The following ARHGEF6 variants were observed in gnomAD, a reference collection of about 807,000 sequenced individuals.
The protein encoded by ARHGEF6 is Rac/Cdc42 guanine nucleotide exchange factor 6.
Under a neutral mutation model 70.3 loss-of-function variants are expected in ARHGEF6, and 9 were observed. The ratio of observed to expected loss-of-function variants is 0.13; its 90% confidence interval spans 0.08 to 0.22. ARHGEF6 has a LOEUF of 0.22. ARHGEF6 is among the 10% of genes least tolerant of loss of function. The pLI is 1.00. For synonymous variants in ARHGEF6, 201 were observed against 207.8 expected (o/e 0.97, Z 0.28); for missense variants, 470 against 563.0 (o/e 0.83, Z 1.67).
At chrX:136,737,502 T>C in intron 5 of ARHGEF6, 1 of 741,523 alleles carries the variant, frequency 1.3e-6, no homozygotes, top group Non-Finnish European at 1.6e-6. Flanking sequence ...TACATCACTT[T>C]TTTCAAACTC....
chrX:136,777,060 A>G (rs1367841293), intron 2 of ARHGEF6, among the ~76,000 whole-genome samples: 1 of 111,087 alleles, frequency 9.0e-6, no homozygotes, highest in African/African-American at 3.3e-5. Flanking sequence ...CCCTGTCTCT[A>G]CTAACAACAC....
intron 5 of ARHGEF6, among the ~76,000 whole-genome samples, chrX:136,737,226 T>C (rs1223035202): frequency 1.8e-5 from 2 of 112,015 alleles, no homozygotes; most frequent in African/African-American, 3.2e-5. Context: ...ACGCCTGTAA[T>C]CCCAGCACTT....
intron 7 of ARHGEF6, among the ~76,000 whole-genome samples, 166 bp from the exon 8 acceptor site, chrX:136,708,936 A>G (rs1347173854): frequency 1.8e-5 from 2 of 112,193 alleles, no homozygotes; most frequent in African/African-American, 6.5e-5. Context: ...TCTCCCCTTG[A>G]TTTTCTTTTA....
chrX:136,682,967 T>C lies in ARHGEF6; in HGVS notation c.1393-123A>G, dbSNP rs758354372. The C allele has an allele frequency of 8.7e-6, 5 of 573,028 alleles. No individual in the cohort carries two copies. The African/African-American group carries it at 9.3e-5, about 11-fold the overall frequency. 47.2% of individuals were successfully genotyped at this position (573,028 alleles called of 1,213,427 possible). The stretch of plus-strand genomic sequence containing the variant: ...AACAACTGAAACATTAACGGTAATT[T>C]TTTTTTTAAAAAAGATACCCAACTT... On this transcript the variant is annotated intron_variant, in intron 12 of 21. Coordinates refer to ENST00000250617, the MANE Select transcript of ARHGEF6 (RefSeq NM_004840.3).
chrX:136,727,690 T>C (rs904817976), intron 6 of ARHGEF6, among the ~76,000 whole-genome samples: 2 of 110,131 alleles, frequency 1.8e-5, no homozygotes, highest in African/African-American at 6.6e-5. Context: ...TAGGCCACCA[T>C]GCCCAGCTAA....
intron 6 of ARHGEF6, among the ~76,000 whole-genome samples, chrX:136,731,678 C>T (rs1704237549): frequency 8.9e-6 from 1 of 112,098 alleles, no homozygotes; most frequent in Non-Finnish European, 1.9e-5. Context: ...TGATAATATT[C>T]CAGACGATAT....
At chrX:136,682,241 A>T (rs958493385) in intron 13 of ARHGEF6, among the ~76,000 whole-genome samples, 4 of 112,117 alleles carry the variant, frequency 3.6e-5, no homozygotes, top group African/African-American at 9.7e-5. Context: ...AAGAATCAGT[A>T]AAAAAAAGTG....
chrX:136,732,623 T>C lies in ARHGEF6; in HGVS notation c.662-451A>G, dbSNP rs2076947212. ...GAAATCATACTTTATTTTGATATTT[T>C]CCTGCCTTGGCAAACTACTGTGTAC... On this transcript the variant is annotated intron_variant, in intron 5 of 21. Coordinates refer to ENST00000250617, the MANE Select transcript of ARHGEF6 (RefSeq NM_004840.3). 2.7e-5 allele frequency among the ~76,000 whole-genome samples: 3 copies of C among 112,679 alleles called. No homozygotes were observed. In the South Asian group the frequency reaches 1.1e-3, roughly 41 times the overall value.
At chrX:136,678,197 A>G (rs1017198134) in intron 16 of ARHGEF6, among the ~76,000 whole-genome samples, 1 of 111,705 alleles carries the variant, frequency 9.0e-6, no homozygotes, top group African/African-American at 3.2e-5. Context: ...AATACATACT[A>G]TCTAGTAGGA....
At chrX:136,745,513 G>T (rs775737553) in intron 3 of ARHGEF6, among the ~76,000 whole-genome samples, 166 bp from the exon 4 acceptor site, 8 of 111,066 alleles carry the variant, frequency 7.2e-5, no homozygotes, top group African/African-American at 2.6e-4. Context: ...TCCCTTTTTG[G>T]TGGCCAACTT....
intron 5 of ARHGEF6, among the ~76,000 whole-genome samples, chrX:136,741,214 C>T (rs2077038538): frequency 9.0e-6 from 1 of 111,602 alleles, no homozygotes; most frequent in Non-Finnish European, 1.9e-5. Context: ...AGAAGAGGAA[C>T]TTTCATTATC....
At chrX:136,683,933 T>A (rs1419689194) in intron 12 of ARHGEF6, among the ~76,000 whole-genome samples, 2 of 112,033 alleles carry the variant, frequency 1.8e-5, no homozygotes, top group Non-Finnish European at 3.8e-5. Context: ...CTTTAACATA[T>A]GTACACCTCC....
chrX:136,725,340 A>C (rs1234391427), intron 6 of ARHGEF6, among the ~76,000 whole-genome samples: 1 of 109,036 alleles, frequency 9.2e-6, no homozygotes, highest in African/African-American at 3.4e-5. Flanking sequence ...AAAAGTGGTT[A>C]ATAAGTCTTT....
chrX:136,683,819 A>G (rs1392562054), intron 12 of ARHGEF6, among the ~76,000 whole-genome samples: 1 of 111,236 alleles, frequency 9.0e-6, no homozygotes, highest in African/African-American at 3.3e-5. Context: ...TATTCTAACA[A>G]GTGCTCCACA....
At chrX:136,675,585 G>A (rs1274025832) in intron 18 of ARHGEF6, among the ~76,000 whole-genome samples, 1 of 109,645 alleles carries the variant, frequency 9.1e-6, no homozygotes, top group Non-Finnish European at 1.9e-5. Context: ...GCGCGATCTC[G>A]GCTCACTGCA....
intron 6 of ARHGEF6, among the ~76,000 whole-genome samples, chrX:136,728,640 TA>T (rs2076895668): frequency 9.3e-6 from 1 of 107,685 alleles, no homozygotes; most frequent in African/African-American, 3.4e-5. Flanking sequence ...GATATTTAGC[TA>T]AACATTATTT....
chrX:136,710,270 C>T (rs1362668269), intron 7 of ARHGEF6, among the ~76,000 whole-genome samples: 2 of 105,066 alleles, frequency 1.9e-5, no homozygotes, highest in Non-Finnish European at 3.9e-5. Flanking sequence ...CACCACTGCA[C>T]TCCAGCCTGG....
chrX:136,675,353 G>A (rs1014924312), intron 18 of ARHGEF6, among the ~76,000 whole-genome samples: 27 of 108,984 alleles, frequency 2.5e-4, no homozygotes, highest in African/African-American at 8.7e-4. Context: ...ACCGGGGTGG[G>A]GGGGGCGGTG....
At chrX:136,748,144 T>C (rs1157933098) in intron 2 of ARHGEF6, among the ~76,000 whole-genome samples, 1 of 111,901 alleles carries the variant, frequency 8.9e-6, no homozygotes, top group Non-Finnish European at 1.9e-5. Context: ...CAATTCCATG[T>C]TGCCCAAACT....
Sources: gnomAD v4.1 joint callset for allele counts (sites outside exome capture counted in the v4.1 genomes callset) on GRCh38, gnomAD v4.1.1 for gene constraint, MANE v1.5 for transcripts, NCBI Gene and HGNC (gene_info 2026-07-23, HGNC 2026-07-21) for gene names.